PCDH15: variants seen among roughly 807,000 people sequenced by gnomAD.
PCDH15 encodes the protein protocadherin-15.
A neutral mutation model predicts 178.5 loss-of-function variants in PCDH15; 129 were observed. The observed-to-expected ratio is 0.72, with a 90% CI of 0.63 to 0.84. The LOEUF (loss-of-function observed/expected upper bound fraction) is 0.84, where lower values mean the gene tolerates loss of function less well. Ranked by LOEUF, PCDH15 falls within the 40% of genes least tolerant of loss-of-function variation. The probability of loss-of-function intolerance (pLI) is 0.00; values close to 1 mark genes in which losing one functional copy is unlikely to be tolerated. For synonymous variants in PCDH15, 800 were observed against 732.0 expected (o/e 1.09, Z -1.50); for missense variants, 2,230 against 2,099.9 (o/e 1.06, Z -1.21).
At chr10:55,489,857 G>T (rs1459529141) in intron 2 of PCDH15, among the ~76,000 whole-genome samples, 1 of 151,598 alleles carries the variant, frequency 6.6e-6, no homozygotes, top group Admixed American at 6.6e-5. Context: ...TATGTGAAAT[G>T]TGGAAAATTA....
At chr10:54,299,378 G>A (rs1372710288) in intron 8 of PCDH15, among the ~76,000 whole-genome samples, 1 of 152,042 alleles carries the variant, frequency 6.6e-6, no homozygotes, top group Non-Finnish European at 1.5e-5. Context: ...GAGAGAAAGA[G>A]GGAGATAGAA....
chr10:55,268,947 G>C (rs1224580225), intron 1 of PCDH15, among the ~76,000 whole-genome samples: 1 of 152,062 alleles, frequency 6.6e-6, no homozygotes, highest in East Asian at 1.9e-4. Flanking sequence ...TGATTAAGTA[G>C]GATTAATTCC....
intron 2 of PCDH15, among the ~76,000 whole-genome samples, chr10:55,437,377 C>T (rs1369681519): frequency 1.3e-5 from 2 of 152,106 alleles, no homozygotes; most frequent in African/African-American, 2.4e-5. Flanking sequence ...CTAAGTGAAA[C>T]ATTTTAAAGT....
chr10:54,234,129 C>CG (rs1564746916), intron 9 of PCDH15, among the ~76,000 whole-genome samples: 139 of 109,930 alleles, frequency 1.3e-3, no homozygotes, highest in African/African-American at 4.7e-3. Context: ...TGGATATCCC[C>CG]TTCTGTGTGT....
At chr10:54,280,963 TAAAC>T (rs1034983273) in intron 8 of PCDH15, among the ~76,000 whole-genome samples, 7 of 151,906 alleles carry the variant, frequency 4.6e-5, no homozygotes, top group South Asian at 2.1e-4. Flanking sequence ...TAACTTTGCT[TAAAC>T]AAAGGCAGTT....
intron 2 of PCDH15, among the ~76,000 whole-genome samples, chr10:54,542,757 A>T (rs907101751): frequency 2.3e-4 from 35 of 151,244 alleles, no homozygotes; most frequent in African/African-American, 8.3e-4. Flanking sequence ...GGAAGGGGGA[A>T]AGGGAAGTGC....
chr10:54,856,294 G>C (rs1022968371), intron 3 of PCDH15, among the ~76,000 whole-genome samples: 1 of 152,198 alleles, frequency 6.6e-6, no homozygotes, highest in South Asian at 2.1e-4. Context: ...GGGGCAGGAG[G>C]AACTGGGGCA....
At chr10:54,922,873 G>A (rs1837529364) in intron 2 of PCDH15, among the ~76,000 whole-genome samples, 1 of 152,040 alleles carries the variant, frequency 6.6e-6, no homozygotes, top group Non-Finnish European at 1.5e-5. Context: ...AACATTTTGG[G>A]GTTTTTAGGA....
At chr10:55,121,127 G>A (rs1021627938) in intron 2 of PCDH15, among the ~76,000 whole-genome samples, 1 of 152,086 alleles carries the variant, frequency 6.6e-6, no homozygotes, top group African/African-American at 2.4e-5. Context: ...TGGGGATGCG[G>A]TGCTTTAGAG....
intron 2 of PCDH15, among the ~76,000 whole-genome samples, chr10:55,369,730 C>G (rs1035566637): frequency 1.3e-5 from 2 of 152,028 alleles, no homozygotes; most frequent in African/African-American, 4.8e-5. Flanking sequence ...ATCATATTAT[C>G]TAATGCCTTG....
chr10:55,316,122 A>C (rs563712888), intron 1 of PCDH15, among the ~76,000 whole-genome samples: 8 of 152,314 alleles, frequency 5.3e-5, no homozygotes, highest in Admixed American at 4.6e-4. Context: ...TATGTCCCAA[A>C]AATTTTTCCA....
chr10:53,934,224 G>C (rs962810506), intron 25 of PCDH15, among the ~76,000 whole-genome samples: 4 of 152,048 alleles, frequency 2.6e-5, no homozygotes, highest in Non-Finnish European at 5.9e-5. Flanking sequence ...ATAGAACTTT[G>C]GGTTCAGATC....
At chr10:54,655,252 A>C (rs867531833) in intron 2 of PCDH15, among the ~76,000 whole-genome samples, 2 of 46,290 alleles carry the variant, frequency 4.3e-5, no homozygotes, top group Non-Finnish European at 1.0e-4. Flanking sequence ...GAAAGAAAGA[A>C]AGAAAGAGAG....
chr10:54,026,692 G>A (rs916313689), intron 18 of PCDH15, among the ~76,000 whole-genome samples: 1 of 152,142 alleles, frequency 6.6e-6, no homozygotes, highest in Non-Finnish European at 1.5e-5. Context: ...CAGGGATGAA[G>A]TCCACTTGAC....
rs534588932 is a variant in PCDH15 at position 54,170,869 on chromosome 10, T to C, written c.1590+12575A>G. 5.3e-5 allele frequency among the ~76,000 whole-genome samples: 8 copies of C among 152,126 alleles called. No homozygotes were observed. The South Asian group carries it at 1.7e-3, about 32-fold the overall frequency. On this transcript the variant is annotated intron_variant, in intron 13 of 37. Coordinates refer to ENST00000644397, the MANE Select transcript of PCDH15 (RefSeq NM_001384140.1). ...TCGTGGAAATCTATCCTCAAGGAAA[T>C]AACTTCTCAGTGTTCCATCTGCTAT...
chr10:55,107,323 T>C (rs914918762), intron 2 of PCDH15, among the ~76,000 whole-genome samples: 5 of 152,124 alleles, frequency 3.3e-5, no homozygotes, highest in Admixed American at 6.6e-5. Context: ...TGGCCATAAG[T>C]TGGATGAGAT....
intron 2 of PCDH15, among the ~76,000 whole-genome samples, chr10:54,588,197 G>A (rs2091632603): frequency 1.3e-5 from 2 of 152,076 alleles, no homozygotes; most frequent in Admixed American, 1.3e-4. Context: ...AAATATTTAA[G>A]AGGAAATGAC....
At chr10:54,028,030 G>A (rs1240116968) in intron 18 of PCDH15, among the ~76,000 whole-genome samples, 3 of 150,894 alleles carry the variant, frequency 2.0e-5, no homozygotes, top group Non-Finnish European at 3.0e-5. Flanking sequence ...GAAAATTTTT[G>A]CAACCTACTC....
chr10:55,000,363 T>C (rs1449390069), intron 2 of PCDH15, among the ~76,000 whole-genome samples: 4 of 152,232 alleles, frequency 2.6e-5, no homozygotes, highest in African/African-American at 9.6e-5. Context: ...AAGAGAAATA[T>C]GGCTCTGTTC....
Sources: gnomAD v4.1 joint callset for allele counts (sites outside exome capture counted in the v4.1 genomes callset) on GRCh38, gnomAD v4.1.1 for gene constraint, MANE v1.5 for transcripts, NCBI Gene and HGNC (gene_info 2026-07-23, HGNC 2026-07-21) for gene names.